Variants in C1orf216 observed in about 807,000 individuals in gnomAD.
C1orf216 encodes the protein chromosome 1 open reading frame 216.
C1orf216 carries 18 observed loss-of-function variants against 16.4 expected under a neutral mutation model. The ratio of observed to expected loss-of-function variants is 1.10; its 90% CI spans 0.76 to 1.63. C1orf216 has a LOEUF of 1.63. Ranked by LOEUF, C1orf216 falls within the 40% of genes most tolerant of loss-of-function variation. The pLI, the probability that C1orf216 is intolerant of heterozygous loss-of-function variation, is 0.00. For synonymous variants in C1orf216, 115 were observed against 116.9 expected (o/e 0.98, Z 0.11); for missense variants, 271 against 297.6 (o/e 0.91, Z 0.66).
At chr1:35,717,819 A>AACCAGGCT (rs1640976714) in intron 1 of C1orf216, among the ~76,000 whole-genome samples, 1 of 152,172 alleles carries the variant, frequency 6.6e-6, no homozygotes, top group East Asian at 1.9e-4. Context: ...TAGAGCCCTG[A>AACCAGGCT]ACCAGGCTGT....
chr1:35,715,538 G>A lies in C1orf216; in HGVS notation c.*94C>T. 7.3e-7 allele frequency: 1 copy of A among 1,374,346 alleles called. No homozygotes were observed. 85.1% of individuals were successfully genotyped at this position (1,374,346 alleles called of 1,614,324 possible). ...AGCACATACACACTCATGCCTACCT[G>A]CAATCATGCCAGCAAATTATGTACT... On this transcript the variant is annotated 3_prime_UTR_variant, in exon 2 of 2. Coordinates refer to ENST00000270815, the MANE Select transcript of C1orf216 (RefSeq NM_152374.2). This position sits in a 1 kb window ranked among gnomAD's most constrained non-coding sequence, Gnocchi z 4.3.
rs1640935515 is a variant in C1orf216, at chr1:35,715,450, GCA to G, written c.*180_*181del. On this transcript the variant is annotated 3_prime_UTR_variant, in exon 2 of 2. Transcript: ENST00000270815. The surrounding 1 kb of genome is among the most constrained non-coding windows in gnomAD (Gnocchi z 4.3). ...AGCTGTGTGTACACATGTGCACACA[GCA>G]CACTTAAGCTCATTTATACATGCTT... 1 of 671,374 alleles carries G rather than the reference GCA, an allele frequency of 1.5e-6. No individual in the cohort carries two copies. The highest frequency in any genetic ancestry group is 3.0e-5 in the Admixed American group (1 of 33,364). The allele number at this position is 671,374 out of a possible 1,614,324, so 41.6% of individuals were successfully genotyped here. A position where few individuals can be genotyped will look rare whatever the true frequency, so the allele number is the denominator to read the frequency against.
chr1:35,715,763 G>A lies in C1orf216; in HGVS notation c.559C>T (p.Leu187=), dbSNP rs1271858629. ...TGCTGGTCAATCAACTGATGCTGCAGGCCCCGGATCCACTGGAGCAGTGCC... is the reference window on the plus strand; with the variant it reads ...TGCTGGTCAATCAACTGATGCTGCAAGCCCCGGATCCACTGGAGCAGTGCC... The part of the protein sequence containing the change: ...RLALLQWIRG[L]QHQLIDQQAR... The change falls in exon 2 of 2, where the codon CTG becomes TTG. Residue 187 remains leucine (L), a synonymous_variant. Transcript: ENST00000270815. This position sits in a 1 kb window ranked among gnomAD's most constrained non-coding sequence, Gnocchi z 4.3. 6.2e-6 allele frequency: 10 copies of A among 1,614,080 alleles called. No individual in the cohort carries two copies. The African/African-American group carries it at 1.2e-4, about 19-fold the overall frequency.
chr1:35,715,709 T>C lies in C1orf216; in HGVS notation c.613A>G (p.Ile205Val), dbSNP rs1209078779. The C allele has an allele frequency of 1.2e-6, 2 of 1,613,976 alleles. No homozygotes were observed. The highest frequency in any genetic ancestry group is 1.1e-5 in the South Asian group (1 of 91,090). ...QARLQESFDTILDNRKELIRC... is the reference protein window; with the variant it reads ...QARLQESFDTVLDNRKELIRC... The stretch of plus-strand genomic sequence containing the variant: ...ATAAGCTCCTTCCGGTTGTCTAGGA[T>C]GGTGTCGAAGCTCTCCTGCAGTCGG... The change falls in exon 2 of 2, where the codon ATC becomes GTC. Residue 205 changes from isoleucine to valine, a missense_variant. Around this residue, in one of 3 missense-constraint regions of C1orf216, gnomAD observed 220 missense variants for 227.8 expected, o/e 0.97. Transcript: ENST00000270815. This position sits in a 1 kb window ranked among gnomAD's most constrained non-coding sequence, Gnocchi z 4.3.
In C1orf216 at chr1:35,714,842, GCCAGAGCAGCCACTAAACCT is replaced by G. The variant is rs1290264124; in HGVS notation, c.*770_*789del. On this transcript the variant is annotated 3_prime_UTR_variant, in exon 2 of 2. Coordinates refer to ENST00000270815, the MANE Select transcript of C1orf216 (RefSeq NM_152374.2). ...AATTGCAGCCAAAATTCCATGGCAGGCCAGAGCAGCCACTAAACCTCCTACAAGTAAAGCCAACATCAGGG... is the reference window on the plus strand; with the variant it reads ...AATTGCAGCCAAAATTCCATGGCAGGCCTACAAGTAAAGCCAACATCAGGG... 6.6e-6 allele frequency: 1 copy of G among 152,340 alleles called. No individual in the cohort carries two copies. Among genetic ancestry groups the G allele is most frequent in the Non-Finnish European group, 1.5e-5 (1 of 68,166 alleles). 9.4% of individuals were successfully genotyped at this position (152,340 alleles called of 1,614,324 possible).
rs1268441983 is a variant in C1orf216, at chr1:35,715,287, A to C, written c.*345T>G. On this transcript the variant is annotated 3_prime_UTR_variant, in exon 2 of 2. Coordinates refer to ENST00000270815, the MANE Select transcript of C1orf216 (RefSeq NM_152374.2). This position sits in a 1 kb window ranked among gnomAD's most constrained non-coding sequence, Gnocchi z 4.3. ...AGACACACACATCTTCTGCCTATACATCCTCACTCATGCGCATATACACAC... is the reference window on the plus strand; with the variant it reads ...AGACACACACATCTTCTGCCTATACCTCCTCACTCATGCGCATATACACAC... 2 of 313,654 alleles carry C rather than the reference A, an allele frequency of 6.4e-6. No individual in the cohort carries two copies. Among genetic ancestry groups the C allele is most frequent in the Non-Finnish European group, 1.2e-5 (2 of 167,318 alleles). The allele number at this position is 313,654 out of a possible 1,614,324, so 19.4% of individuals were successfully genotyped here. A position where few individuals can be genotyped will look rare whatever the true frequency, so the allele number is the denominator to read the frequency against.
Position 35,718,825 on chromosome 1 carries a change from G to A in C1orf216, c.-124C>T, listed in dbSNP as rs572891866. On this transcript the variant is annotated 5_prime_UTR_variant, in exon 1 of 2. Coordinates refer to ENST00000270815, the MANE Select transcript of C1orf216 (RefSeq NM_152374.2). ...GTCTCCGCGGTCCAGGCGTGGGTGC[G>A]GGGCTCCCGGGCAGCGCGCCCAGCC... is the stretch of plus-strand genomic sequence containing the variant. The A allele has an allele frequency of 6.6e-5, 10 of 152,406 alleles. No individual in the cohort carries two copies. In the South Asian group the frequency reaches 8.3e-4, roughly 13 times the overall value. 9.4% of individuals were successfully genotyped at this position (152,406 alleles called of 1,614,324 possible).
chr1:35,716,404 G>C (rs1016959401), intron 1 of C1orf216, 78 bp from the exon 2 acceptor site: 8 of 1,291,466 alleles, frequency 6.2e-6, no homozygotes, highest in Non-Finnish European at 8.5e-6. Flanking sequence ...TAGCTGCAGG[G>C]ACAAGGCTGC....
At position 35,715,757 on chromosome 1, in the gene C1orf216, G is replaced by A; in HGVS notation, c.565C>T (p.His189Tyr). 6.2e-7 allele frequency: 1 copy of A among 1,614,160 alleles called. No homozygotes were observed. The highest frequency in any genetic ancestry group is 1.1e-5 in the South Asian group (1 of 91,088). Residue 189 changes from histidine (H) to tyrosine (Y), a missense_variant, in exon 2 of 2, where the codon CAT becomes TAT. Around this residue, in one of 3 missense-constraint regions of C1orf216, gnomAD observed 220 missense variants for 227.8 expected, o/e 0.97. Coordinates refer to ENST00000270815, the MANE Select transcript of C1orf216 (RefSeq NM_152374.2). The surrounding 1 kb of genome is among the most constrained non-coding windows in gnomAD (Gnocchi z 4.3). ...ALLQWIRGLQ[H>Y]QLIDQQARLQ... ...CGGGCCTGCTGGTCAATCAACTGAT[G>A]CTGCAGGCCCCGGATCCACTGGAGC...
At position 35,715,525 on chromosome 1, in the gene C1orf216, C is replaced by T. The variant is rs1640936869; in HGVS notation, c.*107G>A. 7.9e-7 allele frequency: 1 copy of T among 1,268,976 alleles called. No individual in the cohort carries two copies. The highest frequency in any genetic ancestry group is 1.5e-5 in the African/African-American group (1 of 66,708). 78.6% of individuals were successfully genotyped at this position (1,268,976 alleles called of 1,614,324 possible). ...CAGCCTACATGTTAGCACATACACA[C>T]TCATGCCTACCTGCAATCATGCCAG... is the stretch of plus-strand genomic sequence containing the variant. On this transcript the variant is annotated 3_prime_UTR_variant, in exon 2 of 2. Coordinates refer to ENST00000270815, the MANE Select transcript of C1orf216 (RefSeq NM_152374.2). This position sits in a 1 kb window ranked among gnomAD's most constrained non-coding sequence, Gnocchi z 4.3.
chr1:35,716,369 T>G (rs1557487393), intron 1 of C1orf216, 43 bp from the exon 2 acceptor site: 1 of 1,523,966 alleles, frequency 6.6e-7, no homozygotes, highest in East Asian at 2.3e-5. Flanking sequence ...TAGGACAGGG[T>G]GGGGTGCCTG....
Position 35,716,153 on chromosome 1 carries a change from G to C in C1orf216, c.169C>G (p.Leu57Val). 1.9e-6 allele frequency: 3 copies of C among 1,614,256 alleles called. No individual in the cohort carries two copies. The highest frequency in any genetic ancestry group is 2.5e-6 in the Non-Finnish European group (3 of 1,180,032). The change falls in exon 2 of 2, where the codon CTG (leucine) becomes GTG (valine). Residue 57 changes from leucine to valine, a missense_variant. Physicochemically the swap from Leu to Val is conservative, Grantham distance 32. Transcript: ENST00000270815. Reference protein sequence around the residue: ...HGMPGRVEPILRRSSSESPSD... With the variant: ...HGMPGRVEPIVRRSSSESPSD... ...GGTGACTCAGAGGAGCTCCTCCTCA[G>C]GATAGGTTCCACTCTGCCTGGCATC...
Position 35,716,060 on chromosome 1 carries a change from C to A in C1orf216, c.262G>T (p.Ala88Ser), listed in dbSNP as rs1186771488. Residue 88 changes from alanine to serine, a missense_variant, in exon 2 of 2, where the codon GCA (alanine) becomes TCA (serine). Ala to Ser is a moderately conservative substitution (Grantham distance 99, BLOSUM62 1). This residue lies in a region of C1orf216 where 220 missense variants were observed against 227.8 expected (regional missense o/e 0.97). Coordinates refer to ENST00000270815, the MANE Select transcript of C1orf216 (RefSeq NM_152374.2). ...TCAGGCTCAGCCCCGGGAATCTCTGCCCCCTCTGGGGGGCTGCGCACCCCT... is the reference window on the plus strand; with the variant it reads ...TCAGGCTCAGCCCCGGGAATCTCTGACCCCTCTGGGGGGCTGCGCACCCCT... ...EEGVRSPPEG[A>S]EIPGAEPEKM... 1.9e-6 allele frequency: 3 copies of A among 1,613,992 alleles called. No homozygotes were observed. Among genetic ancestry groups the A allele is most frequent in the African/African-American group, 2.7e-5 (2 of 74,948 alleles).
chr1:35,715,591 A>T lies in C1orf216; in HGVS notation c.*41T>A. The T allele has an allele frequency of 6.4e-7, 1 of 1,550,400 alleles. No individual in the cohort carries two copies. The highest frequency in any genetic ancestry group is 2.0e-5 in the Admixed American group (1 of 50,892). On this transcript the variant is annotated 3_prime_UTR_variant, in exon 2 of 2. Coordinates refer to ENST00000270815, the MANE Select transcript of C1orf216 (RefSeq NM_152374.2). This position sits in a 1 kb window ranked among gnomAD's most constrained non-coding sequence, Gnocchi z 4.3. ...CTAGTGCGCCTCACACATGCCTGCA[A>T]ATATATACATATACCCTTGCACACT...
chr1:35,715,580 A>T lies in C1orf216; in HGVS notation c.*52T>A. On this transcript the variant is annotated 3_prime_UTR_variant, in exon 2 of 2. Transcript: ENST00000270815. The surrounding 1 kb of genome is among the most constrained non-coding windows in gnomAD (Gnocchi z 4.3). ...TTATGTACTTACTAGTGCGCCTCAC[A>T]CATGCCTGCAAATATATACATATAC... is the stretch of plus-strand genomic sequence containing the variant. 1 of 1,538,146 alleles carries T rather than the reference A, an allele frequency of 6.5e-7. No individual in the cohort carries two copies. Among genetic ancestry groups the T allele is most frequent in the Non-Finnish European group, 8.8e-7 (1 of 1,139,526 alleles).
chr1:35,718,141 C>T lies in C1orf216; in HGVS notation c.-6+566G>A, dbSNP rs146112227. On this transcript the variant is annotated intron_variant, in intron 1 of 1. Coordinates refer to ENST00000270815, the MANE Select transcript of C1orf216 (RefSeq NM_152374.2). ...CACACCACTCTTCTCTCCTCCATAA[C>T]CTGCTTCTAACCAAAATTAGGATTT... Among the ~76,000 whole-genome samples, 383 of 152,280 alleles carry T rather than the reference C, an allele frequency of 2.5e-3. 4 individuals are homozygous for T. The highest frequency in any genetic ancestry group is 8.7e-3 in the African/African-American group (361 of 41,562).
At chr1:35,716,573 A>G in intron 1 of C1orf216, 1 of 533,728 alleles carries the variant, frequency 1.9e-6, no homozygotes, top group Non-Finnish European at 3.3e-6. Flanking sequence ...GATTTTGTGC[A>G]TTTCTCTCCA....
intron 1 of C1orf216, 47 bp downstream of exon 1, chr1:35,718,660 C>G (rs1640993266): frequency 6.6e-6 from 1 of 152,360 alleles, no homozygotes; most frequent in South Asian, 2.1e-4. Flanking sequence ...CTTCCCGCGG[C>G]TGAGCCCCAA....
chr1:35,716,676 C>G (rs1296132785), intron 1 of C1orf216: 2 of 283,930 alleles, frequency 7.0e-6, no homozygotes, highest in African/African-American at 2.2e-5. Flanking sequence ...CTATCCAACC[C>G]TGCAACCAAC....
Sources: gnomAD v4.1 joint callset for allele counts (sites outside exome capture counted in the v4.1 genomes callset) on GRCh38, gnomAD v4.1.1 for gene constraint, gnomAD v4.1.1 regional missense constraint, Gnocchi (gnomAD v3.1) non-coding constraint, MANE v1.5 for transcripts, NCBI Gene and HGNC (gene_info 2026-07-23, HGNC 2026-07-21) for gene names.